ENTREP2: variants seen among roughly 807,000 people sequenced by gnomAD.
ENTREP2 encodes the protein endosomal transmembrane epsin interactor 2.
At chr15:29,439,686 C>T in the ENTREP2 span, among the ~76,000 whole-genome samples, 1 of 152,172 alleles carries the variant, frequency 6.6e-6, no homozygotes, top group African/African-American at 2.4e-5. Flanking sequence ...GTATCTCCCC[C>T]AGAATATTTA....
At chr15:29,516,848 G>T in the ENTREP2 span, among the ~76,000 whole-genome samples, 3 of 152,078 alleles carry the variant, frequency 2.0e-5, no homozygotes, top group Non-Finnish European at 4.4e-5. Context: ...GCACAGAGGA[G>T]GGTGGTTCTC....
chr15:29,425,199 G>GTTTT, the ENTREP2 span, among the ~76,000 whole-genome samples: 9 of 133,180 alleles, frequency 6.8e-5, no homozygotes, highest in Admixed American at 3.1e-4. Flanking sequence ...CAGGTTTTTT[G>GTTTT]TTTTTTTTTT....
the ENTREP2 span, among the ~76,000 whole-genome samples, chr15:29,582,429 C>A: frequency 6.6e-6 from 1 of 151,540 alleles, no homozygotes; most frequent in Non-Finnish European, 1.5e-5. Flanking sequence ...AAATAAAAAC[C>A]TGAGGAGCAA....
the ENTREP2 span, among the ~76,000 whole-genome samples, chr15:29,408,471 G>T: frequency 6.6e-6 from 1 of 152,184 alleles, no homozygotes; most frequent in Non-Finnish European, 1.5e-5. Flanking sequence ...GGATATACAG[G>T]ACTCTACAAT....
chr15:29,218,236 A>C, the ENTREP2 span, among the ~76,000 whole-genome samples: 1 of 152,086 alleles, frequency 6.6e-6, no homozygotes, highest in African/African-American at 2.4e-5. Flanking sequence ...TCCTGACGGG[A>C]GGTGGCACTT....
chr15:29,562,717 C>G, the ENTREP2 span, among the ~76,000 whole-genome samples: 1 of 152,144 alleles, frequency 6.6e-6, no homozygotes, highest in Admixed American at 6.5e-5. Flanking sequence ...ACTTTTTACC[C>G]GATGCCCAAG....
the ENTREP2 span, among the ~76,000 whole-genome samples, chr15:29,540,570 G>A: frequency 6.6e-6 from 1 of 152,180 alleles, no homozygotes; most frequent in Non-Finnish European, 1.5e-5. Flanking sequence ...TAGACATACC[G>A]CTAACTTTAT....
At chr15:29,624,500 A>G in the ENTREP2 span, among the ~76,000 whole-genome samples, 2 of 152,176 alleles carry the variant, frequency 1.3e-5, no homozygotes, top group Non-Finnish European at 2.9e-5. Flanking sequence ...CTCTCTACAA[A>G]TGCTGGATTT....
At chr15:29,381,488 G>A in the ENTREP2 span, among the ~76,000 whole-genome samples, 1 of 145,752 alleles carries the variant, frequency 6.9e-6, no homozygotes, top group African/African-American at 2.6e-5. Context: ...AAAGCCCTTG[G>A]TTCACGCTCG....
At chr15:29,224,186 G>A in the ENTREP2 span, among the ~76,000 whole-genome samples, 1 of 152,106 alleles carries the variant, frequency 6.6e-6, no homozygotes, top group Non-Finnish European at 1.5e-5. Context: ...CCTTCGTGGT[G>A]AGTGTTACAG....
chr15:29,621,115 C>T, the ENTREP2 span, among the ~76,000 whole-genome samples: 3 of 151,774 alleles, frequency 2.0e-5, no homozygotes, highest in Non-Finnish European at 4.4e-5. Context: ...GGCGGCCAGG[C>T]GCAGTGGCTC....
chr15:29,175,595 T>C, the ENTREP2 span, among the ~76,000 whole-genome samples: 9 of 152,172 alleles, frequency 5.9e-5, no homozygotes, highest in Non-Finnish European at 8.8e-5. Context: ...ACGCTGATGT[T>C]TGTCCATCTC....
At chr15:29,551,364 T>C in the ENTREP2 span, among the ~76,000 whole-genome samples, 1 of 152,206 alleles carries the variant, frequency 6.6e-6, no homozygotes, top group African/African-American at 2.4e-5. Flanking sequence ...CACTTGTCAC[T>C]GCCCATCGGT....
chr15:29,490,362 A>C, the ENTREP2 span, among the ~76,000 whole-genome samples: 1 of 152,224 alleles, frequency 6.6e-6, no homozygotes, highest in Non-Finnish European at 1.5e-5. Context: ...TTTACCGCAA[A>C]GAGCGAAAGA....
chr15:29,289,206 C>CAAAAAAA, the ENTREP2 span, among the ~76,000 whole-genome samples: 1 of 78,000 alleles, frequency 1.3e-5, no homozygotes, highest in Non-Finnish European at 2.6e-5. Context: ...GACCCTGTCT[C>CAAAAAAA]AAAAAAAAAA....
At chr15:29,396,709 C>T in the ENTREP2 span, among the ~76,000 whole-genome samples, 20 of 152,304 alleles carry the variant, frequency 1.3e-4, no homozygotes, top group African/African-American at 4.6e-4. Context: ...AGCTTTTCCC[C>T]TAAGCTTCCT....
At chr15:29,471,338 G>C in the ENTREP2 span, among the ~76,000 whole-genome samples, 2 of 152,248 alleles carry the variant, frequency 1.3e-5, no homozygotes, top group African/African-American at 4.8e-5. Context: ...CTCCAAGAAG[G>C]ACTTCTGACC....
the ENTREP2 span, among the ~76,000 whole-genome samples, chr15:29,657,022 C>T: frequency 2.0e-5 from 3 of 152,228 alleles, 1 homozygote; most frequent in Admixed American, 6.5e-5. Flanking sequence ...CCTTCAAGAA[C>T]GAAGCCGGGC....
chr15:29,272,272 C>T, the ENTREP2 span, among the ~76,000 whole-genome samples: 43,730 of 151,996 alleles, frequency 0.29, 7,854 homozygotes, highest in African/African-American at 0.51. Flanking sequence ...CCATGGATGT[C>T]TGGGGAGAAA....
Sources: gnomAD v4.1 joint callset for allele counts (sites outside exome capture counted in the v4.1 genomes callset) on GRCh38, gnomAD v4.1.1 for gene constraint, MANE v1.5 for transcripts, NCBI Gene and HGNC (gene_info 2026-07-23, HGNC 2026-07-21) for gene names.